Variants in PTPRD observed in about 807,000 individuals in gnomAD.
The protein encoded by PTPRD is protein tyrosine phosphatase receptor type D, also known as receptor-type tyrosine-protein phosphatase delta.
In PTPRD, 34 loss-of-function variants were observed where a neutral mutation model predicts 214.5. The ratio of observed to expected loss-of-function variants is 0.16; its 90% CI spans 0.12 to 0.21. PTPRD has a LOEUF of 0.21. PTPRD is among the 10% of genes least tolerant of loss of function. The probability of loss-of-function intolerance (pLI) is 1.00; values close to 1 mark genes in which losing one functional copy is unlikely to be tolerated. For missense variants in PTPRD, 2,545 were observed against 2,398.7 expected (o/e 1.06, Z -1.27); for synonymous variants, 1,128 against 845.7 (o/e 1.33, Z -5.79).
chr9:8,996,226 A>C (rs899931233), intron 11 of PTPRD, among the ~76,000 whole-genome samples: 2 of 152,194 alleles, frequency 1.3e-5, no homozygotes, highest in Non-Finnish European at 2.9e-5. Flanking sequence ...AAATTCCTTC[A>C]ACTGGTGAAT....
intron 8 of PTPRD, among the ~76,000 whole-genome samples, chr9:9,495,514 C>G (rs1056758684): frequency 2.6e-5 from 4 of 152,136 alleles, no homozygotes; most frequent in Non-Finnish European, 4.4e-5. Context: ...TATAAAGACC[C>G]CAGACTCAGT....
chr9:9,181,508 C>A (rs1050257183), intron 10 of PTPRD, among the ~76,000 whole-genome samples: 1 of 151,896 alleles, frequency 6.6e-6, no homozygotes, highest in African/African-American at 2.4e-5. Context: ...CATCTACAAA[C>A]AAATTTATGT....
intron 2 of PTPRD, among the ~76,000 whole-genome samples, chr9:10,475,506 A>C (rs191795882): frequency 1.3e-3 from 201 of 152,076 alleles, no homozygotes; most frequent in African/African-American, 4.7e-3. Context: ...CTACCAACCA[A>C]AAAAAAGCCC....
At chr9:8,324,699 T>C (rs191613773) in intron 44 of PTPRD, among the ~76,000 whole-genome samples, 1 of 152,272 alleles carries the variant, frequency 6.6e-6, no homozygotes, top group Non-Finnish European at 1.5e-5. Flanking sequence ...CTGGTTTAAC[T>C]AATTTACACA....
At chr9:9,352,127 C>G (rs1247925318) in intron 9 of PTPRD, among the ~76,000 whole-genome samples, 1 of 151,724 alleles carries the variant, frequency 6.6e-6, no homozygotes. Flanking sequence ...TTTTTATCAG[C>G]TTGATTTTTG....
chr9:9,395,554 C>T (rs1187581182), intron 9 of PTPRD, among the ~76,000 whole-genome samples: 1 of 152,122 alleles, frequency 6.6e-6, no homozygotes, highest in East Asian at 1.9e-4. Flanking sequence ...CAAGCACCTA[C>T]AAGACTCTGG....
At chr9:10,360,995 G>C (rs879515083) in intron 2 of PTPRD, among the ~76,000 whole-genome samples, 36 of 152,102 alleles carry the variant, frequency 2.4e-4, no homozygotes, top group Admixed American at 2.2e-3. Context: ...CCAGCTACTC[G>C]GGAGGCTGAG....
intron 9 of PTPRD, among the ~76,000 whole-genome samples, chr9:9,248,377 A>G (rs2099973980): frequency 6.6e-6 from 1 of 152,098 alleles, no homozygotes; most frequent in African/African-American, 2.4e-5. Flanking sequence ...TACAGGCATG[A>G]GCCACCGTGC....
chr9:8,432,313 G>T (rs1407566057), intron 35 of PTPRD, among the ~76,000 whole-genome samples: 3 of 152,180 alleles, frequency 2.0e-5, no homozygotes, highest in Non-Finnish European at 2.9e-5. Context: ...CAGAGATGGG[G>T]TTACACTAAT....
At position 8,316,109 on chromosome 9, in the gene PTPRD, T is replaced by A. The variant is rs139671444; in HGVS notation, c.*1765A>T. ...ATAAAACAAGTAGCTTTTTCTGATGTTGATGATTGATTATAAAAGGAAGAA... is the reference window on the plus strand; with the variant it reads ...ATAAAACAAGTAGCTTTTTCTGATGATGATGATTGATTATAAAAGGAAGAA... On this transcript the variant is annotated 3_prime_UTR_variant, in exon 46 of 46. Coordinates refer to ENST00000381196, the MANE Select transcript of PTPRD (RefSeq NM_002839.4). The A allele has an allele frequency of 8.9e-3, 2,052 of 229,728 alleles. 10 individuals carry two copies. Among genetic ancestry groups the A allele is most frequent in the East Asian group, 0.02 (315 of 16,080 alleles). 14.2% of individuals were successfully genotyped at this position (229,728 alleles called of 1,614,324 possible). A position where few individuals can be genotyped will look rare whatever the true frequency, so the allele number is the denominator to read the frequency against.
chr9:9,232,766 A>G (rs554530425), intron 9 of PTPRD, among the ~76,000 whole-genome samples: 1 of 152,268 alleles, frequency 6.6e-6, no homozygotes, highest in Non-Finnish European at 1.5e-5. Flanking sequence ...AGTACTTTGA[A>G]CTAAAGGACA....
intron 11 of PTPRD, among the ~76,000 whole-genome samples, chr9:8,938,299 G>A (rs369567891): frequency 1.3e-5 from 2 of 151,692 alleles, no homozygotes; most frequent in Non-Finnish European, 2.9e-5. Flanking sequence ...GAAGAGAGGA[G>A]GGAGAAGAGA....
intron 9 of PTPRD, among the ~76,000 whole-genome samples, chr9:9,248,068 G>T (rs4297075): frequency 0.51 from 77,501 of 151,674 alleles, 20,124 homozygotes; most frequent in African/African-American, 0.59. Context: ...AACGGAGGAA[G>T]CAATGAGCTC....
At chr9:9,745,663 C>T (rs953956739) in intron 6 of PTPRD, among the ~76,000 whole-genome samples, 4 of 152,136 alleles carry the variant, frequency 2.6e-5, no homozygotes, top group Non-Finnish European at 1.5e-5. Flanking sequence ...CCTTATTGCT[C>T]ATGATCCTTG....
chr9:9,932,107 T>A (rs2086890819), intron 5 of PTPRD, among the ~76,000 whole-genome samples: 1 of 148,180 alleles, frequency 6.7e-6, no homozygotes, highest in Non-Finnish European at 1.5e-5. Flanking sequence ...CAAAAGTAGA[T>A]AAAACCACAA....
chr9:9,737,423 G>C (rs2098318754), intron 6 of PTPRD, among the ~76,000 whole-genome samples: 1 of 152,008 alleles, frequency 6.6e-6, no homozygotes, highest in Admixed American at 6.6e-5. Flanking sequence ...TTCAGTTTGT[G>C]CAAAGATAAC....
chr9:8,376,811 A>T, intron 37 of PTPRD, 85 bp from the exon 38 acceptor site: 1 of 1,559,270 alleles, frequency 6.4e-7, no homozygotes, highest in Non-Finnish European at 8.8e-7. Flanking sequence ...GAAGGAAAAC[A>T]GCTTTTCTGC....
At chr9:9,008,961 T>C (rs1471590675) in intron 11 of PTPRD, among the ~76,000 whole-genome samples, 3 of 152,176 alleles carry the variant, frequency 2.0e-5, no homozygotes, top group Non-Finnish European at 2.9e-5. Context: ...TCTGATATCA[T>C]ATAAATACAC....
At chr9:9,024,338 G>GTTTTTTTTTTTTTTTTTTTT (rs746383829) in intron 10 of PTPRD, among the ~76,000 whole-genome samples, 3 of 61,342 alleles carry the variant, frequency 4.9e-5, no homozygotes, top group African/African-American at 1.1e-4. Context: ...TCGATTCTTT[G>GTTTTTTTTTTTTTTTTTTTT]TTTTTTTTTG....
Sources: allele counts gnomAD v4.1 joint callset (sites outside exome capture counted in the v4.1 genomes callset), GRCh38; gene constraint gnomAD v4.1.1; transcripts MANE v1.5; gene names NCBI Gene and HGNC (gene_info 2026-07-23, HGNC 2026-07-21).